VAPA: variants seen among roughly 807,000 people sequenced by gnomAD.
VAPA encodes the protein vesicle-associated membrane protein-associated protein A.
In VAPA, 6 loss-of-function variants were observed where a neutral mutation model predicts 25.6. That is an observed-to-expected ratio of 0.23 (90% CI 0.13 to 0.46). VAPA has a LOEUF of 0.46. Ranked by LOEUF, VAPA falls within the 20% of genes least tolerant of loss-of-function variation. The probability of loss-of-function intolerance (pLI) is 0.99; values close to 1 mark genes in which losing one functional copy is unlikely to be tolerated. For missense variants in VAPA, 244 were observed against 302.1 expected (o/e 0.81, Z 1.43); for synonymous variants, 112 against 106.2 (o/e 1.05, Z -0.34).
intron 2 of VAPA, 137 bp downstream of exon 2, chr18:9,932,099 TTACAG>T (rs2069261464): frequency 3.2e-6 from 2 of 628,656 alleles, no homozygotes; most frequent in South Asian, 2.4e-5. Flanking sequence ...AGATGTCTTG[TTACAG>T]TACTCTGCAA....
At position 9,954,178 on chromosome 18, in the gene VAPA, C is replaced by T; in HGVS notation, c.717C>T (p.Phe239=). 6.2e-7 allele frequency: 1 copy of T among 1,613,352 alleles called. No individual in the cohort carries two copies. The highest frequency in any genetic ancestry group is 8.5e-7 in the Non-Finnish European group (1 of 1,179,626). ...PSLLVVIAAI[F]IGFFLGKFIL ...TTCTTGTTGTAATTGCAGCCATTTTCATTGGATTCTTTCTAGGGAAATTCA... is the reference window on the plus strand; with the variant it reads ...TTCTTGTTGTAATTGCAGCCATTTTTATTGGATTCTTTCTAGGGAAATTCA... The change falls in exon 6 of 6, where the codon TTC becomes TTT. Residue 239 remains phenylalanine (F), a synonymous_variant. Coordinates refer to ENST00000400000, the MANE Select transcript of VAPA (RefSeq NM_194434.3).
intron 4 of VAPA, chr18:9,944,922 A>G (rs1362688398): frequency 1.9e-6 from 3 of 1,613,440 alleles, no homozygotes; most frequent in African/African-American, 1.3e-5. Flanking sequence ...ATGCCATCTC[A>G]GGGTATAACT....
chr18:9,949,710 G>A (rs2069467242), intron 4 of VAPA: 1 of 152,152 alleles, frequency 6.6e-6, no homozygotes. Context: ...TTAGACAACG[G>A]GCTGAAGAAT....
intron 4 of VAPA, among the ~76,000 whole-genome samples, chr18:9,943,841 C>CTTTTTTTTTTTTTTTTTTTTTTTTTTTTT (rs71169911): frequency 3.9e-5 from 2 of 51,770 alleles, no homozygotes; most frequent in Non-Finnish European, 7.5e-5. Context: ...ACATATTTCC[C>CTTTTTTTTTTTTTTTTTTTTTTTTTTTTT]TTTTTTTTTT....
At chr18:9,937,132 T>G (rs192774250) in intron 4 of VAPA, 66 bp downstream of exon 4, 22 of 1,398,868 alleles carry the variant, frequency 1.6e-5, no homozygotes, top group Non-Finnish European at 2.1e-5. Flanking sequence ...TTAATTTTGC[T>G]TTTATTTTTG....
intron 2 of VAPA, among the ~76,000 whole-genome samples, chr18:9,933,758 G>A (rs765627139): frequency 6.6e-6 from 1 of 152,116 alleles, no homozygotes; most frequent in Non-Finnish European, 1.5e-5. Context: ...GGCTGGTCTC[G>A]AACTCCTGAC....
chr18:9,937,927 A>G (rs1336891515), intron 4 of VAPA, among the ~76,000 whole-genome samples: 1 of 152,218 alleles, frequency 6.6e-6, no homozygotes, highest in Admixed American at 6.5e-5. Context: ...ATAAGCAGAA[A>G]TGAAAAGGTC....
chr18:9,918,056 G>T (rs1408786409), intron 1 of VAPA, among the ~76,000 whole-genome samples: 2 of 150,406 alleles, frequency 1.3e-5, no homozygotes, highest in Non-Finnish European at 3.0e-5. Flanking sequence ...CCTTCCTCTT[G>T]TAACACCTGT....
chr18:9,958,149 C>G lies in VAPA; in HGVS notation c.*3938C>G, dbSNP rs1021329117. ...TTCATTTCCCTGTAATATTAATGTTCTTTAAGCATAATCACTAATTATAAG... is the reference window on the plus strand; with the variant it reads ...TTCATTTCCCTGTAATATTAATGTTGTTTAAGCATAATCACTAATTATAAG... On this transcript the variant is annotated 3_prime_UTR_variant, in exon 6 of 6. Transcript: ENST00000400000. The G allele has an allele frequency of 2.6e-5, 4 of 152,172 alleles. No individual in the cohort carries two copies. Among genetic ancestry groups the G allele is most frequent in the African/African-American group, 9.6e-5 (4 of 41,452 alleles). The allele number at this position is 152,172 out of a possible 1,614,324, so 9.4% of individuals were successfully genotyped here.
chr18:9,923,125 C>T (rs2069171215), intron 1 of VAPA, among the ~76,000 whole-genome samples: 1 of 152,124 alleles, frequency 6.6e-6, no homozygotes, highest in Non-Finnish European at 1.5e-5. Flanking sequence ...CATTAATATA[C>T]CATAGCATGC....
chr18:9,935,990 A>T (rs2069306017), intron 2 of VAPA, 120 bp from the exon 3 acceptor site: 1 of 570,424 alleles, frequency 1.8e-6, no homozygotes, highest in Non-Finnish European at 2.8e-6. Flanking sequence ...GAATGATACT[A>T]TTGCCAGATA....
chr18:9,931,374 A>C (rs1442244277), intron 1 of VAPA, among the ~76,000 whole-genome samples: 1 of 152,244 alleles, frequency 6.6e-6, no homozygotes. Context: ...GAGGTGAAGC[A>C]AAAGCACTGA....
rs2069306357 is a variant in VAPA at position 9,936,028 on chromosome 18, A to G, written c.233-82A>G. The stretch of plus-strand genomic sequence containing the variant: ...GTTTAAGGCAAATCCCAGACTTAGT[A>G]TAATTTAATCTGTAACTGTTTCAAT... On this transcript the variant is annotated intron_variant, in intron 2 of 5. Transcript: ENST00000400000. 5 of 958,120 alleles carry G rather than the reference A, an allele frequency of 5.2e-6. No individual in the cohort carries two copies. The South Asian group carries it at 1.0e-4, about 20-fold the overall frequency. 59.4% of individuals were successfully genotyped at this position (958,120 alleles called of 1,614,324 possible).
intron 4 of VAPA, chr18:9,949,978 C>G (rs1188439661): frequency 1.2e-5 from 2 of 162,134 alleles, no homozygotes; most frequent in African/African-American, 4.8e-5. Context: ...CCCTACCCCC[C>G]AGAACCTTAT....
intron 1 of VAPA, among the ~76,000 whole-genome samples, chr18:9,931,299 G>A (rs1416197622): frequency 6.6e-6 from 1 of 152,148 alleles, no homozygotes; most frequent in African/African-American, 2.4e-5. Context: ...AGAGCATATG[G>A]CATAATAAAC....
At chr18:9,929,713 G>T (rs891489008) in intron 1 of VAPA, among the ~76,000 whole-genome samples, 2 of 152,058 alleles carry the variant, frequency 1.3e-5, no homozygotes, top group African/African-American at 4.8e-5. Flanking sequence ...TTTTAAACTA[G>T]GAAAGGGGCT....
intron 4 of VAPA, among the ~76,000 whole-genome samples, chr18:9,939,433 G>A (rs925210615): frequency 6.6e-6 from 1 of 151,950 alleles, no homozygotes; most frequent in South Asian, 2.1e-4. Flanking sequence ...GGGATTACAG[G>A]TGTGAGCCAC....
In VAPA at chr18:9,948,935, C is replaced by G. The variant is rs1291400046; in HGVS notation, c.418-1460C>G. 2.0e-5 allele frequency: 3 copies of G among 152,296 alleles called. No individual in the cohort carries two copies. The East Asian group carries it at 5.8e-4, about 29-fold the overall frequency. 9.4% of individuals were successfully genotyped at this position (152,296 alleles called of 1,614,324 possible). A position where few individuals can be genotyped will look rare whatever the true frequency, so the allele number is the denominator to read the frequency against. Reference sequence around the variant, plus strand: ...CTTTTTCCCAATTTTTAACCAAAACCTGAAAGTTCTTCTATTGCCATATTG... The same window carrying G: ...CTTTTTCCCAATTTTTAACCAAAACGTGAAAGTTCTTCTATTGCCATATTG... On this transcript the variant is annotated intron_variant, in intron 4 of 5. Transcript: ENST00000400000.
intron 1 of VAPA, among the ~76,000 whole-genome samples, chr18:9,925,892 A>AT (rs1305997347): frequency 6.6e-6 from 1 of 152,152 alleles, no homozygotes; most frequent in Non-Finnish European, 1.5e-5. Flanking sequence ...TCTACCTGGA[A>AT]TACTTATGAA....
Sources: gnomAD v4.1 joint callset for allele counts (sites outside exome capture counted in the v4.1 genomes callset) on GRCh38, gnomAD v4.1.1 for gene constraint, MANE v1.5 for transcripts, NCBI Gene and HGNC (gene_info 2026-07-23, HGNC 2026-07-21) for gene names.